DNAH9: variants seen among roughly 807,000 people sequenced by gnomAD.
DNAH9 encodes dynein axonemal heavy chain 9, also known as DNAH9 variant protein.
A neutral mutation model predicts 471.6 loss-of-function variants in DNAH9; 345 were observed. That is an observed-to-expected ratio of 0.73 (90% CI 0.67 to 0.80). The LOEUF is 0.80. DNAH9 is among the 30% of genes least tolerant of loss of function. The pLI is 0.00. For synonymous variants in DNAH9, 2,093 were observed against 2,123.6 expected (o/e 0.99, Z 0.40); for missense variants, 5,407 against 5,609.2 (o/e 0.96, Z 1.15).
chr17:11,695,746 G>A (rs1227670488), intron 22 of DNAH9, among the ~76,000 whole-genome samples: 1 of 152,122 alleles, frequency 6.6e-6, no homozygotes, highest in Non-Finnish European at 1.5e-5. Context: ...ACTACGTCTG[G>A]GTAGAGCTGG....
rs1236369773 is a variant in DNAH9, at chr17:11,969,693, G to C, written c.*166G>C. On this transcript the variant is annotated 3_prime_UTR_variant, in exon 69 of 69. Coordinates refer to ENST00000262442, the MANE Select transcript of DNAH9 (RefSeq NM_001372.4). ...ACTTGGAGAGGTGTGCCTAAGGTGA[G>C]GCTGAGCTGAAGGAATGTGGGCCCA... is the stretch of plus-strand genomic sequence containing the variant. 2 of 618,276 alleles carry C rather than the reference G, an allele frequency of 3.2e-6. No individual in the cohort carries two copies. The highest frequency in any genetic ancestry group is 5.6e-6 in the Non-Finnish European group (2 of 358,278). The allele number at this position is 618,276 out of a possible 1,614,324, so 38.3% of individuals were successfully genotyped here. A position where few individuals can be genotyped will look rare whatever the true frequency, so the allele number is the denominator to read the frequency against.
chr17:11,832,391 CA>C (rs1276668596), intron 48 of DNAH9, among the ~76,000 whole-genome samples: 2 of 152,150 alleles, frequency 1.3e-5, no homozygotes, highest in Non-Finnish European at 2.9e-5. Context: ...TAAAAAGGAA[CA>C]AAAAGTTACT....
chr17:11,629,686 T>C, intron 7 of DNAH9, 102 bp downstream of exon 7: 1 of 1,088,078 alleles, frequency 9.2e-7, no homozygotes. Context: ...TGTATTTCCT[T>C]TGGCTCTGTG....
chr17:11,716,561 T>A (rs1567744829), intron 26 of DNAH9, among the ~76,000 whole-genome samples: 1 of 152,138 alleles, frequency 6.6e-6, no homozygotes, highest in East Asian at 1.9e-4. Flanking sequence ...AAGACAATGA[T>A]ATTTTGACAT....
chr17:11,759,938 G>A (rs1399262809), intron 35 of DNAH9, among the ~76,000 whole-genome samples: 4 of 151,974 alleles, frequency 2.6e-5, no homozygotes, highest in Non-Finnish European at 4.4e-5. Context: ...TGGCCGCCTC[G>A]GCCTCCCAAA....
chr17:11,953,085 G>A (rs1323003753), intron 67 of DNAH9, among the ~76,000 whole-genome samples: 9 of 152,064 alleles, frequency 5.9e-5, no homozygotes, highest in East Asian at 5.8e-4. Context: ...TCCTTATGAC[G>A]TCACTTAACC....
At chr17:11,934,433 C>T (rs559534501) in intron 65 of DNAH9, among the ~76,000 whole-genome samples, 21 of 117,258 alleles carry the variant, frequency 1.8e-4, no homozygotes, top group African/African-American at 4.8e-4. Flanking sequence ...GTTGACAAAC[C>T]CATTTTTTTT....
chr17:11,664,846 T>TA lies in DNAH9; in HGVS notation c.2610dup (p.Phe871IlefsTer15). On this transcript the variant is annotated frameshift_variant, in exon 15 of 69. Coordinates refer to ENST00000262442, the MANE Select transcript of DNAH9 (RefSeq NM_001372.4). LOFTEE classifies it high-confidence loss of function. Reference sequence around the variant, plus strand: ...TTCCTTTTATAGGAAAACCTGGGTCTATTTTCAGCAGACCCAACCTCCAAT... The same window carrying TA: ...TTCCTTTTATAGGAAAACCTGGGTCTAATTTTCAGCAGACCCAACCTCCAAT... 6.2e-7 allele frequency: 1 copy of TA among 1,613,202 alleles called. No individual in the cohort carries two copies. The highest frequency in any genetic ancestry group is 8.5e-7 in the Non-Finnish European group (1 of 1,179,388).
At chr17:11,681,553 A>G (rs1219711051) in intron 19 of DNAH9, among the ~76,000 whole-genome samples, 4 of 152,164 alleles carry the variant, frequency 2.6e-5, no homozygotes, top group Non-Finnish European at 4.4e-5. Context: ...CAATGGTCCT[A>G]CATCTGCTGA....
chr17:11,942,454 GCTCA>G lies in DNAH9; in HGVS notation c.12815_12818del (p.Ser4272Ter). On this transcript the variant is annotated frameshift_variant, in exon 67 of 69. Transcript: ENST00000262442. LOFTEE classifies it high-confidence loss of function. Reference sequence around the variant, plus strand: ...AATATCCTCACCAGAGAGATTCAGCGCTCACTGAGGGAGCTGGAGCTCGGCTTAA... The same window carrying G: ...AATATCCTCACCAGAGAGATTCAGCGCTGAGGGAGCTGGAGCTCGGCTTAA... The G allele has an allele frequency of 6.2e-7, 1 of 1,614,088 alleles. No individual in the cohort carries two copies. The highest frequency in any genetic ancestry group is 8.5e-7 in the Non-Finnish European group (1 of 1,180,010).
chr17:11,598,844 T>G lies in DNAH9; in HGVS notation c.346T>G (p.Phe116Val). The G allele has an allele frequency of 6.6e-7, 1 of 1,523,408 alleles. No individual in the cohort carries two copies. Among genetic ancestry groups the G allele is most frequent in the East Asian group, 2.6e-5 (1 of 37,842 alleles). The allele number at this position is 1,523,408 out of a possible 1,614,324, so 94.4% of individuals were successfully genotyped here. Residue 116 changes from phenylalanine to valine, a missense_variant, in exon 1 of 69, where the codon TTC becomes GTC. Physicochemically the swap from Phe to Val is conservative, Grantham distance 50. This residue lies in a region of DNAH9 where 767 missense variants were observed against 692.5 expected (regional missense o/e 1.11). Coordinates refer to ENST00000262442, the MANE Select transcript of DNAH9 (RefSeq NM_001372.4). ...TGPEPPGPDS[F>V]RGAVVCGDLP... ...GCCCGAGCCTCCAGGGCCCGACAGC[T>G]TCCGCGGCGCAGTGGTCTGCGGGGA...
intron 49 of DNAH9, among the ~76,000 whole-genome samples, chr17:11,844,026 A>G (rs1237739477): frequency 4.1e-5 from 5 of 122,568 alleles, no homozygotes; most frequent in Admixed American, 7.8e-5. Context: ...ATATTCCACA[A>G]TAAGTATATA....
At chr17:11,724,198 C>A (rs2150808965) in intron 27 of DNAH9, among the ~76,000 whole-genome samples, 1 of 152,192 alleles carries the variant, frequency 6.6e-6, no homozygotes, top group South Asian at 2.1e-4. Context: ...TGGGAACATT[C>A]CAAATCTCCT....
Position 11,689,596 on chromosome 17 carries a change from G to A in DNAH9, c.3774G>A (p.Leu1258=), listed in dbSNP as rs766809798. ...ATAGCATCCACCCTCATCAAATGCT[G>A]GATGCCAGGCACATCGAGATCCAGC... The part of the protein sequence containing the change: ...RFDSIHPHQM[L]DARHIEIQQM... Residue 1258 remains leucine (L), a synonymous_variant, in exon 20 of 69, where the codon CTG becomes CTA. Transcript: ENST00000262442. 4.5e-5 allele frequency: 72 copies of A among 1,613,770 alleles called. No individual in the cohort carries two copies. Among genetic ancestry groups the A allele is most frequent in the Non-Finnish European group, 5.7e-5 (67 of 1,179,914 alleles).
In DNAH9 at chr17:11,937,619, A is replaced by G; in HGVS notation, c.12660+97A>G. 1 of 1,366,580 alleles carries G rather than the reference A, an allele frequency of 7.3e-7. No homozygotes were observed. The highest frequency in any genetic ancestry group is 9.7e-7 in the Non-Finnish European group (1 of 1,030,590). The allele number at this position is 1,366,580 out of a possible 1,614,324, so 84.7% of individuals were successfully genotyped here. On this transcript the variant is annotated intron_variant, in intron 66 of 68. Transcript: ENST00000262442. This position sits in a 1 kb window ranked among gnomAD's most constrained non-coding sequence, Gnocchi z 4.1. ...GCTGGCCATTTTGGCAGTACACAGC[A>G]TAGACAACACACAAAGCACCAACCA...
chr17:11,871,398 C>T (rs986149179), intron 51 of DNAH9, among the ~76,000 whole-genome samples, 200 bp from the exon 52 acceptor site: 1 of 152,202 alleles, frequency 6.6e-6, no homozygotes, highest in Non-Finnish European at 1.5e-5. Flanking sequence ...TCATGTGATG[C>T]ATGACACAGA....
rs1249946579 is a variant in DNAH9, at chr17:11,611,761, G to GT, written c.886dup (p.Tyr296LeufsTer80). On this transcript the variant is annotated frameshift_variant, in exon 4 of 69. Transcript: ENST00000262442. LOFTEE classifies it high-confidence loss of function. ...GCTACTTTCCAGCTTTCAAAGCCAT[G>GT]TACAGAGATGTTGTTGCAGGTGAGG... 3.1e-6 allele frequency: 5 copies of GT among 1,614,078 alleles called. No individual in the cohort carries two copies. Among genetic ancestry groups the GT allele is most frequent in the Non-Finnish European group, 4.2e-6 (5 of 1,180,010 alleles).
At chr17:11,679,733 T>C (rs1361932606) in intron 17 of DNAH9, 24 bp from the exon 18 acceptor site, 1 of 1,513,780 alleles carries the variant, frequency 6.6e-7, no homozygotes, top group Non-Finnish European at 9.2e-7. Flanking sequence ...GAATGGTTCC[T>C]CATGTTCTGT....
chr17:11,881,923 A>C (rs948072058), intron 55 of DNAH9, among the ~76,000 whole-genome samples: 2 of 152,092 alleles, frequency 1.3e-5, no homozygotes, highest in Non-Finnish European at 1.5e-5. Flanking sequence ...AAAAAAGAAA[A>C]AAAAAACAGC....
Sources: allele counts gnomAD v4.1 joint callset (sites outside exome capture counted in the v4.1 genomes callset), GRCh38; gene constraint gnomAD v4.1.1; regional missense constraint gnomAD v4.1.1; non-coding constraint Gnocchi (gnomAD v3.1); transcripts MANE v1.5; gene names NCBI Gene and HGNC (gene_info 2026-07-23, HGNC 2026-07-21).